Variants in ZNF892 observed in about 807,000 individuals in gnomAD.
ZNF892 encodes the protein zinc finger protein 892.
At chr2:95,207,321 G>C in the ZNF892 span, among the ~76,000 whole-genome samples, 1 of 152,236 alleles carries the variant, frequency 6.6e-6, no homozygotes, top group Non-Finnish European at 1.5e-5. Flanking sequence ...CCACCGCCCA[G>C]AGTCGGCACC....
the ZNF892 span, among the ~76,000 whole-genome samples, chr2:95,209,591 C>T: frequency 0.03 from 4,543 of 152,252 alleles, 94 homozygotes; most frequent in Non-Finnish European, 0.049. Flanking sequence ...CCAGGCCTAA[C>T]AGCATACAGG....
At chr2:95,217,799 A>G in the ZNF892 span, among the ~76,000 whole-genome samples, 2 of 152,166 alleles carry the variant, frequency 1.3e-5, no homozygotes, top group Non-Finnish European at 2.9e-5. Context: ...ACTGCCAGGT[A>G]GCCCCTCTCC....
the ZNF892 span, among the ~76,000 whole-genome samples, chr2:95,257,108 G>A: frequency 3.3e-5 from 5 of 152,188 alleles, no homozygotes; most frequent in Admixed American, 2.6e-4. Context: ...TTGTTCCATT[G>A]CTGGTGAGGG....
chr2:95,253,669 T>C, the ZNF892 span, among the ~76,000 whole-genome samples: 1 of 152,220 alleles, frequency 6.6e-6, no homozygotes, highest in Non-Finnish European at 1.5e-5. Context: ...ATAAATTACC[T>C]TGGGCAGTAT....
chr2:95,220,409 C>G, the ZNF892 span, among the ~76,000 whole-genome samples: 1 of 151,532 alleles, frequency 6.6e-6, no homozygotes, highest in Admixed American at 6.6e-5. Flanking sequence ...TCTCTAGAAC[C>G]CGATCTGGGA....
At chr2:95,241,256 C>G in the ZNF892 span, among the ~76,000 whole-genome samples, 2 of 152,174 alleles carry the variant, frequency 1.3e-5, no homozygotes, top group Non-Finnish European at 2.9e-5. Flanking sequence ...CAGGTCAGCA[C>G]CCCCCTGGGA....
chr2:95,232,535 G>T, the ZNF892 span, among the ~76,000 whole-genome samples: 16 of 152,262 alleles, frequency 1.1e-4, no homozygotes, highest in South Asian at 3.3e-3. Context: ...ACAGTATTTT[G>T]TTCTTCATCT....
the ZNF892 span, among the ~76,000 whole-genome samples, chr2:95,244,359 A>G: frequency 6.7e-6 from 1 of 149,198 alleles, no homozygotes; most frequent in Admixed American, 6.7e-5. Context: ...AAAAAAATTT[A>G]TCAAACCTGT....
the ZNF892 span, among the ~76,000 whole-genome samples, chr2:95,224,001 A>T: frequency 6.6e-6 from 1 of 152,198 alleles, no homozygotes; most frequent in Non-Finnish European, 1.5e-5. Flanking sequence ...AGTGGCCCCA[A>T]ACAGATCACT....
the ZNF892 span, among the ~76,000 whole-genome samples, chr2:95,210,237 A>G: frequency 1.3e-5 from 2 of 149,594 alleles, no homozygotes; most frequent in Non-Finnish European, 3.0e-5. Context: ...ATGTGTATAT[A>G]TGTATATATA....
chr2:95,208,440 A>T, the ZNF892 span, among the ~76,000 whole-genome samples: 2 of 152,236 alleles, frequency 1.3e-5, no homozygotes, highest in African/African-American at 4.8e-5. Flanking sequence ...CCAGATGCTC[A>T]TAGGAGTTCT....
At chr2:95,220,232 C>T in the ZNF892 span, among the ~76,000 whole-genome samples, 11 of 152,136 alleles carry the variant, frequency 7.2e-5, no homozygotes, top group Non-Finnish European at 1.5e-4. Flanking sequence ...GGGGATAGGA[C>T]CATAGCTTTC....
At chr2:95,244,031 T>C in the ZNF892 span, among the ~76,000 whole-genome samples, 1 of 150,818 alleles carries the variant, frequency 6.6e-6, no homozygotes, top group East Asian at 2.0e-4. Flanking sequence ...CCTGTTGATC[T>C]GTGACCTTAC....
chr2:95,210,217 ATG>A, the ZNF892 span, among the ~76,000 whole-genome samples: 1 of 147,126 alleles, frequency 6.8e-6, no homozygotes, highest in Non-Finnish European at 1.5e-5. Flanking sequence ...ATGTGTATAT[ATG>A]TATATATATG....
chr2:95,252,825 T>C, the ZNF892 span, among the ~76,000 whole-genome samples: 4 of 152,254 alleles, frequency 2.6e-5, no homozygotes, highest in Non-Finnish European at 5.9e-5. Context: ...TCTGCATTTC[T>C]CTGATGGCCA....
At chr2:95,253,692 A>C in the ZNF892 span, among the ~76,000 whole-genome samples, 1 of 152,226 alleles carries the variant, frequency 6.6e-6, no homozygotes, top group South Asian at 2.1e-4. Context: ...GCATTTTCAC[A>C]ATATTGATTC....
chr2:95,256,750 T>C, the ZNF892 span, among the ~76,000 whole-genome samples: 1 of 152,234 alleles, frequency 6.6e-6, no homozygotes, highest in South Asian at 2.1e-4. Context: ...GTCCCATATT[T>C]CTTGGAGGCT....
the ZNF892 span, chr2:95,207,528 C>A: frequency 1.5e-5 from 5 of 332,096 alleles, no homozygotes; most frequent in Admixed American, 4.9e-5. Flanking sequence ...GGTAGTTCGG[C>A]CTCATGGTTG....
the ZNF892 span, among the ~76,000 whole-genome samples, chr2:95,221,155 G>T: frequency 2.0e-5 from 3 of 152,168 alleles, no homozygotes; most frequent in Non-Finnish European, 4.4e-5. Context: ...GGTCGAAAAT[G>T]GATGCAAATG....
Sources: allele counts gnomAD v4.1 joint callset (sites outside exome capture counted in the v4.1 genomes callset), GRCh38; gene constraint gnomAD v4.1.1; transcripts MANE v1.5; gene names NCBI Gene and HGNC (gene_info 2026-07-23, HGNC 2026-07-21).